Variants in TTLL5 observed in about 807,000 individuals in gnomAD.
The protein encoded by TTLL5 is tubulin polyglutamylase TTLL5.
TTLL5 carries 132 observed loss-of-function variants against 168.4 expected under a neutral mutation model. The observed-to-expected ratio is 0.78, with a 90% confidence interval of 0.68 to 0.91. The LOEUF (loss-of-function observed/expected upper bound fraction) is 0.91. TTLL5 is among the 40% of genes least tolerant of loss of function. The pLI, the probability that TTLL5 is intolerant of heterozygous loss-of-function variation, is 0.00. For synonymous variants in TTLL5, 546 were observed against 558.6 expected (o/e 0.98, Z 0.32); for missense variants, 1,545 against 1,581.5 (o/e 0.98, Z 0.39).
At chr14:75,925,769 C>G (rs1253378799) in intron 31 of TTLL5, among the ~76,000 whole-genome samples, 2 of 152,054 alleles carry the variant, frequency 1.3e-5, no homozygotes, top group African/African-American at 4.8e-5. Flanking sequence ...CCATTGAGCA[C>G]TGAGTGAACC....
At chr14:75,739,339 A>G (rs1265017261) in intron 15 of TTLL5, among the ~76,000 whole-genome samples, 2 of 151,684 alleles carry the variant, frequency 1.3e-5, no homozygotes, top group East Asian at 1.9e-4. Flanking sequence ...GCAATGTTCT[A>G]TTTTGTCATT....
At chr14:75,784,059 C>G (rs1892223765) in intron 26 of TTLL5, among the ~76,000 whole-genome samples, 1 of 152,130 alleles carries the variant, frequency 6.6e-6, no homozygotes, top group South Asian at 2.1e-4. Flanking sequence ...TTAAAATGTA[C>G]AATTCAGTAA....
chr14:75,795,272 G>A (rs564737793), intron 27 of TTLL5, among the ~76,000 whole-genome samples: 2 of 152,222 alleles, frequency 1.3e-5, no homozygotes, highest in Middle Eastern at 3.2e-3. Flanking sequence ...TGCAATATAT[G>A]TGGAAAATAT....
intron 31 of TTLL5, among the ~76,000 whole-genome samples, chr14:75,951,410 A>G (rs540339824): frequency 1.1e-4 from 16 of 152,310 alleles, no homozygotes; most frequent in African/African-American, 3.4e-4. Context: ...TCTAAATACA[A>G]TCTAATTTTT....
At chr14:75,712,844 TTTA>T (rs1181364882) in intron 9 of TTLL5, among the ~76,000 whole-genome samples, 7 of 152,304 alleles carry the variant, frequency 4.6e-5, no homozygotes, top group Admixed American at 3.3e-4. Flanking sequence ...GATTTAAAAA[TTTA>T]TTGTCAAAAT....
chr14:75,899,209 G>T (rs972827824), intron 30 of TTLL5, among the ~76,000 whole-genome samples: 5 of 152,154 alleles, frequency 3.3e-5, no homozygotes, highest in South Asian at 2.1e-4. Flanking sequence ...TGTTATCCAG[G>T]TGTTAAACCA....
At chr14:75,702,621 G>A (rs1384392614) in intron 7 of TTLL5, among the ~76,000 whole-genome samples, 5 of 151,920 alleles carry the variant, frequency 3.3e-5, no homozygotes, top group South Asian at 2.1e-4. Context: ...AGAACCCTGC[G>A]CCCTAACTCT....
chr14:75,803,809 A>G (rs58184408), intron 27 of TTLL5, among the ~76,000 whole-genome samples: 2 of 152,112 alleles, frequency 1.3e-5, no homozygotes, highest in East Asian at 3.9e-4. Context: ...CTCTGAAGAG[A>G]TGTAGCCCTT....
At chr14:75,905,772 A>G (rs1365693827) in intron 31 of TTLL5, among the ~76,000 whole-genome samples, 1 of 152,182 alleles carries the variant, frequency 6.6e-6, no homozygotes, top group Admixed American at 6.5e-5. Flanking sequence ...CTGATTTGAT[A>G]ATGTAAACTA....
At chr14:75,691,659 G>A (rs1303759817) in intron 6 of TTLL5, among the ~76,000 whole-genome samples, 1 of 152,206 alleles carries the variant, frequency 6.6e-6, no homozygotes, top group Non-Finnish European at 1.5e-5. Context: ...TAGCATCGGT[G>A]TGAGAGAAGT....
chr14:75,691,248 T>A (rs1885443971), intron 6 of TTLL5, among the ~76,000 whole-genome samples: 1 of 152,198 alleles, frequency 6.6e-6, no homozygotes, highest in African/African-American at 2.4e-5. Context: ...TTATTTATTT[T>A]GCATCATTGT....
At chr14:75,843,677 C>T (rs1896377327) in intron 28 of TTLL5, among the ~76,000 whole-genome samples, 1 of 152,118 alleles carries the variant, frequency 6.6e-6, no homozygotes, top group Admixed American at 6.5e-5. Flanking sequence ...TAACATGAGG[C>T]AAGGTTAAAG....
chr14:75,707,588 G>GT (rs5809718), intron 8 of TTLL5, 35 bp from the exon 9 acceptor site: 15,227 of 1,467,414 alleles, frequency 0.01, 182 homozygotes, highest in African/African-American at 0.071. Flanking sequence ...AATGAACTTA[G>GT]TTTTTTTTTG....
At chr14:75,710,996 C>T (rs561778172) in intron 9 of TTLL5, 3 of 152,178 alleles carry the variant, frequency 2.0e-5, no homozygotes, top group South Asian at 2.1e-4. Context: ...TAATACTAGG[C>T]GACAGAAAGA....
intron 28 of TTLL5, among the ~76,000 whole-genome samples, chr14:75,841,751 T>C (rs892130448): frequency 6.6e-6 from 1 of 152,206 alleles, no homozygotes; most frequent in Non-Finnish European, 1.5e-5. Flanking sequence ...AAAAAATAGT[T>C]GTACAAGTGG....
intron 23 of TTLL5, among the ~76,000 whole-genome samples, chr14:75,778,683 G>C (rs1032847591): frequency 5.9e-5 from 9 of 152,156 alleles, no homozygotes; most frequent in African/African-American, 2.2e-4. Flanking sequence ...CTAGAACGTA[G>C]CCAAGCTTCA....
rs58821426 is a variant in TTLL5, at chr14:75,813,270, T to TTGTGTG, written c.3172-6695_3172-6690dup. ...TATTATCCAGGCACTGTGTGTGTGT[T>TTGTGTG]TGTGTGTGTGTGTGTGTGTGTGTGT... On this transcript the variant is annotated intron_variant, in intron 27 of 31. Transcript: ENST00000298832. Among the ~76,000 whole-genome samples, 590 of 130,706 alleles carry TTGTGTG rather than the reference T, an allele frequency of 4.5e-3. 7 individuals carry two copies. The highest frequency in any genetic ancestry group is 0.014 in the African/African-American group (470 of 34,202). 85.7% of individuals were successfully genotyped at this position (130,706 alleles called of 152,430 possible). A position where few individuals can be genotyped will look rare whatever the true frequency, so the allele number is the denominator to read the frequency against.
chr14:75,779,960 A>G (rs905270190), intron 24 of TTLL5, among the ~76,000 whole-genome samples: 1 of 152,200 alleles, frequency 6.6e-6, no homozygotes, highest in African/African-American at 2.4e-5. Flanking sequence ...GCTGATATTT[A>G]GTGAACACTT....
At chr14:75,707,597 T>C in intron 8 of TTLL5, 26 bp from the exon 9 acceptor site, 2 of 1,599,736 alleles carry the variant, frequency 1.3e-6, no homozygotes, top group Non-Finnish European at 1.7e-6. Flanking sequence ...AGTTTTTTTT[T>C]GTGAATACAA....
Sources: allele counts gnomAD v4.1 joint callset (sites outside exome capture counted in the v4.1 genomes callset), GRCh38; gene constraint gnomAD v4.1.1; transcripts MANE v1.5; gene names NCBI Gene and HGNC (gene_info 2026-07-23, HGNC 2026-07-21).